Variants in RAP1GAP2 observed in about 807,000 individuals in gnomAD.
RAP1GAP2 encodes RAP1 GTPase activating protein 2, also known as rap1 GTPase-activating protein 2.
A neutral mutation model predicts 95.0 loss-of-function variants in RAP1GAP2; 27 were observed. That is an observed-to-expected ratio of 0.28 (90% CI 0.21 to 0.39). RAP1GAP2 has a LOEUF of 0.39. RAP1GAP2 is among the 10% of genes least tolerant of loss of function. The pLI is 1.00. For synonymous variants in RAP1GAP2, 373 were observed against 380.9 expected (o/e 0.98, Z 0.24); for missense variants, 771 against 970.0 (o/e 0.79, Z 2.72).
At chr17:2,915,550 C>T (rs1043104064) in intron 3 of RAP1GAP2, among the ~76,000 whole-genome samples, 1 of 151,952 alleles carries the variant, frequency 6.6e-6, no homozygotes, top group African/African-American at 2.4e-5. Flanking sequence ...CTTTTCTTAA[C>T]GGTGTCTTTA....
chr17:2,851,176 T>C (rs549272899), intron 2 of RAP1GAP2, among the ~76,000 whole-genome samples: 46 of 152,094 alleles, frequency 3.0e-4, no homozygotes, highest in African/African-American at 1.1e-3. Flanking sequence ...TGTGGCCCAA[T>C]TGTGGGAAGC....
upstream of RAP1GAP2, among the ~76,000 whole-genome samples, chr17:2,775,887 G>C (rs931079001): frequency 1.3e-5 from 2 of 152,166 alleles, no homozygotes; most frequent in African/African-American, 4.8e-5. Context: ...GTGCATGAAT[G>C]AAAGTTCCAG....
intron 19 of RAP1GAP2, among the ~76,000 whole-genome samples, chr17:3,021,242 G>A (rs1279281339): frequency 1.3e-5 from 2 of 151,906 alleles, no homozygotes; most frequent in Admixed American, 6.6e-5. Context: ...TATAGTCACT[G>A]TATTGTACTA....
At chr17:2,882,293 A>AT (rs752552125) in intron 2 of RAP1GAP2, among the ~76,000 whole-genome samples, 30,466 of 129,558 alleles carry the variant, frequency 0.24, 3,672 homozygotes, top group African/African-American at 0.28. Context: ...CGCCCAGCTA[A>AT]TTTTTTTTTT....
rs955883150 is a variant in RAP1GAP2, at chr17:3,037,074, G to C, written c.*3713G>C. ...TTGCCAAGCCTGATCCTGCAGCCTG[G>C]TGGGGCTGGCTGGGGTATTCTTTTA... On this transcript the variant is annotated 3_prime_UTR_variant, in exon 25 of 25. Transcript: ENST00000254695. The C allele has an allele frequency of 2.2e-4, 33 of 152,554 alleles. No homozygotes were observed. Among genetic ancestry groups the C allele is most frequent in the African/African-American group, 8.0e-4 (33 of 41,444 alleles). The allele number at this position is 152,554 out of a possible 1,614,324, so 9.5% of individuals were successfully genotyped here. A position where few individuals can be genotyped will look rare whatever the true frequency, so the allele number is the denominator to read the frequency against.
rs1327636407 is a variant in RAP1GAP2, at chr17:2,922,826, GTTTTTGTT to G, written c.165+17464_165+17471del. 1.2e-3 allele frequency among the ~76,000 whole-genome samples: 111 copies of G among 93,732 alleles called. No individual in the cohort carries two copies. In the South Asian group the frequency reaches 0.016, roughly 14 times the overall value. 61.5% of individuals were successfully genotyped at this position (93,732 alleles called of 152,430 possible). A position where few individuals can be genotyped will look rare whatever the true frequency, so the allele number is the denominator to read the frequency against. ...AAAAAGTGCCCAGTATTTTCTTTTT[GTTTTTGTT>G]TTTTTTTTTTTTTTTGAGACAGAAA... On this transcript the variant is annotated intron_variant, in intron 3 of 24. Coordinates refer to ENST00000254695, the MANE Select transcript of RAP1GAP2 (RefSeq NM_015085.5).
chr17:2,967,163 T>C (rs2044643529), intron 8 of RAP1GAP2, among the ~76,000 whole-genome samples: 1 of 151,916 alleles, frequency 6.6e-6, no homozygotes, highest in Admixed American at 6.6e-5. Flanking sequence ...GGTCAGGAGA[T>C]CGAGACCATC....
intron 8 of RAP1GAP2, among the ~76,000 whole-genome samples, chr17:2,967,162 A>G (rs183471654): frequency 6.6e-6 from 1 of 151,974 alleles, no homozygotes; most frequent in African/African-American, 2.4e-5. Context: ...AGGTCAGGAG[A>G]TCGAGACCAT....
chr17:2,935,376 G>A (rs1022995041), intron 3 of RAP1GAP2, among the ~76,000 whole-genome samples: 4 of 152,094 alleles, frequency 2.6e-5, no homozygotes, highest in Non-Finnish European at 4.4e-5. Flanking sequence ...GTGTGGTGGC[G>A]GGTGCCTGTA....
chr17:2,948,746 G>A (rs1057375703), intron 3 of RAP1GAP2, among the ~76,000 whole-genome samples: 7 of 150,120 alleles, frequency 4.7e-5, no homozygotes, highest in Non-Finnish European at 7.4e-5. Flanking sequence ...ACAGGTGGCT[G>A]CCTGTCTGCA....
rs138497250 is a variant in RAP1GAP2, at chr17:2,821,796, G to A, written c.80+21246G>A. On this transcript the variant is annotated intron_variant, in intron 2 of 24. Transcript: ENST00000254695. Reference sequence around the variant, plus strand: ...GCTGGTGGCTACCATAGGGAACAACGCAGGTACAGAACATTACAGAACATT... The same window carrying A: ...GCTGGTGGCTACCATAGGGAACAACACAGGTACAGAACATTACAGAACATT... Among the ~76,000 whole-genome samples the A allele has an allele frequency of 2.4e-3, 370 of 152,248 alleles. 1 individual carries two copies. The highest frequency in any genetic ancestry group is 8.4e-3 in the African/African-American group (351 of 41,558).
intron 2 of RAP1GAP2, among the ~76,000 whole-genome samples, chr17:2,834,374 C>G (rs2071039773): frequency 6.6e-6 from 1 of 152,208 alleles, no homozygotes; most frequent in African/African-American, 2.4e-5. Context: ...AATCTCAAAC[C>G]CAGGAACAAG....
At chr17:2,945,775 C>CT (rs57022816) in intron 3 of RAP1GAP2, among the ~76,000 whole-genome samples, 1 of 150,332 alleles carries the variant, frequency 6.7e-6, no homozygotes, top group Non-Finnish European at 1.5e-5. Context: ...CATTGATTTT[C>CT]TTTTTTTTTC....
At chr17:2,792,151 C>T (rs1457023965), upstream of RAP1GAP2, among the ~76,000 whole-genome samples, 1 of 152,132 alleles carries the variant, frequency 6.6e-6, no homozygotes, top group Admixed American at 6.5e-5. Context: ...TGAGACAGTG[C>T]GCCTGGCCGC....
In RAP1GAP2 at chr17:3,018,217, C is replaced by A. The variant is rs184949649; in HGVS notation, c.1632+19C>A. On this transcript the variant is annotated intron_variant, in intron 18 of 24. Coordinates refer to ENST00000254695, the MANE Select transcript of RAP1GAP2 (RefSeq NM_015085.5). ...CTTCTCGGTGAGTGCTGGCAGGCCC[C>A]GGGGCGGCAAGTGGGTCCCAGGGAG... 2 of 1,545,358 alleles carry A rather than the reference C, an allele frequency of 1.3e-6. No individual in the cohort carries two copies. Among genetic ancestry groups the A allele is most frequent in the Admixed American group, 2.1e-5 (1 of 48,352 alleles).
chr17:2,840,545 C>T (rs1038280197), intron 2 of RAP1GAP2, among the ~76,000 whole-genome samples: 13 of 151,838 alleles, frequency 8.6e-5, no homozygotes, highest in African/African-American at 3.1e-4. Context: ...TTTCTTTTTT[C>T]GCTATGTTTC....
intron 17 of RAP1GAP2, among the ~76,000 whole-genome samples, chr17:3,016,329 G>T (rs12452840): frequency 1.3e-5 from 2 of 152,138 alleles, no homozygotes; most frequent in East Asian, 1.9e-4. Flanking sequence ...GACTGCCTTA[G>T]GCAGATCATG....
rs1331381288 is a variant in RAP1GAP2, at chr17:3,008,718, G to T, written c.1494+573G>T. Reference sequence around the variant, plus strand: ...AGCAGTGAGCTCCCTGTCCCTGGAAGTATTCAAGTGGAGCTCGGACGGCCC... The same window carrying T: ...AGCAGTGAGCTCCCTGTCCCTGGAATTATTCAAGTGGAGCTCGGACGGCCC... On this transcript the variant is annotated intron_variant, in intron 17 of 24. Transcript: ENST00000254695. This position sits in a 1 kb window ranked among gnomAD's most constrained non-coding sequence, Gnocchi z 4.2. Among the ~76,000 whole-genome samples, 1 of 152,248 alleles carries T rather than the reference G, an allele frequency of 6.6e-6. No individual in the cohort carries two copies. Among genetic ancestry groups the T allele is most frequent in the Non-Finnish European group, 1.5e-5 (1 of 68,048 alleles).
chr17:2,911,220 C>T (rs1057218961), intron 3 of RAP1GAP2, among the ~76,000 whole-genome samples: 4 of 151,746 alleles, frequency 2.6e-5, no homozygotes, highest in Non-Finnish European at 5.9e-5. Flanking sequence ...CCGACCTATA[C>T]GCACCCTCCC....
Sources: gnomAD v4.1 joint callset for allele counts (sites outside exome capture counted in the v4.1 genomes callset) on GRCh38, gnomAD v4.1.1 for gene constraint, Gnocchi (gnomAD v3.1) non-coding constraint, MANE v1.5 for transcripts, NCBI Gene and HGNC (gene_info 2026-07-23, HGNC 2026-07-21) for gene names.